Variants in STAMBPL1 observed in about 807,000 individuals in gnomAD.
STAMBPL1 encodes the protein STAM binding protein like 1.
A neutral mutation model predicts 52.9 loss-of-function variants in STAMBPL1; 44 were observed. The observed-to-expected ratio is 0.83, with a 90% CI of 0.65 to 1.07. STAMBPL1 has a LOEUF of 1.07. Ranked by LOEUF, STAMBPL1 falls within the 50% of genes least tolerant of loss-of-function variation. The pLI is 0.00. For missense variants in STAMBPL1, 511 were observed against 520.8 expected, an observed-to-expected ratio of 0.98 and a Z score of 0.18; for synonymous variants, 164 against 177.3, an observed-to-expected ratio of 0.92 and a Z score of 0.60.
intron 3 of STAMBPL1, among the ~76,000 whole-genome samples, chr10:88,906,553 A>G (rs938824035): frequency 6.6e-6 from 1 of 152,240 alleles, no homozygotes; most frequent in African/African-American, 2.4e-5. Flanking sequence ...GTTTTGATAC[A>G]TATATGCTTA....
chr10:88,894,490 C>G (rs1844764516), intron 1 of STAMBPL1, among the ~76,000 whole-genome samples: 1 of 152,136 alleles, frequency 6.6e-6, no homozygotes, highest in African/African-American at 2.4e-5. Context: ...TTTTGAGCAG[C>G]AAAATTAGAA....
intron 1 of STAMBPL1, among the ~76,000 whole-genome samples, chr10:88,886,732 A>G (rs535145466): frequency 6.6e-6 from 1 of 152,330 alleles, no homozygotes; most frequent in African/African-American, 2.4e-5. Flanking sequence ...CCCTGTGAAC[A>G]CTGCCTGCCT....
chr10:88,921,036 C>G (rs1014485050), intron 8 of STAMBPL1, among the ~76,000 whole-genome samples: 2 of 152,138 alleles, frequency 1.3e-5, no homozygotes, highest in Middle Eastern at 3.2e-3. Context: ...TAATTTCCAG[C>G]TCTTTCTTTC....
chr10:88,901,875 C>T, intron 2 of STAMBPL1, 137 bp downstream of exon 2: 1 of 756,162 alleles, frequency 1.3e-6, no homozygotes, highest in Non-Finnish European at 2.1e-6. Flanking sequence ...GTGTGGTTGT[C>T]TTCTTTGAGG....
intron 1 of STAMBPL1, among the ~76,000 whole-genome samples, chr10:88,893,262 T>G (rs577547099): frequency 6.6e-6 from 1 of 152,208 alleles, no homozygotes; most frequent in African/African-American, 2.4e-5. Context: ...GAAAAGAATC[T>G]AAAATTAGCA....
In STAMBPL1 at chr10:88,891,519, A is replaced by G. The variant is rs77935318; in HGVS notation, c.-53-10137A>G. On this transcript the variant is annotated intron_variant, in intron 1 of 10. Coordinates refer to ENST00000371926, the MANE Select transcript of STAMBPL1 (RefSeq NM_020799.4). ...TAGTTTCCCTACAAGATACTTTTCA[A>G]TTATAAAGAGAAAAATAGTATCGTG... Among the ~76,000 whole-genome samples the G allele has an allele frequency of 9.0e-3, 1,377 of 152,338 alleles. 36 individuals carry two copies. In the East Asian group the frequency reaches 0.11, roughly 12 times the overall value.
Position 88,916,836 on chromosome 10 carries a change from G to A in STAMBPL1, c.1041+19G>A. 7 of 1,518,670 alleles carry A rather than the reference G, an allele frequency of 4.6e-6. No individual in the cohort carries two copies. The highest frequency in any genetic ancestry group is 5.3e-6 in the Non-Finnish European group (6 of 1,129,680). The allele number at this position is 1,518,670 out of a possible 1,614,324, so 94.1% of individuals were successfully genotyped here. A position where few individuals can be genotyped will look rare whatever the true frequency, so the allele number is the denominator to read the frequency against. On this transcript the variant is annotated intron_variant, in intron 8 of 10. Coordinates refer to ENST00000371926, the MANE Select transcript of STAMBPL1 (RefSeq NM_020799.4). ...GATCCATGTACGTTTGACCTTTTGG[G>A]TTTCAGTTTTTTTGTGTGTGTGGCA...
chr10:88,904,691 G>A (rs1845028866), intron 2 of STAMBPL1, among the ~76,000 whole-genome samples: 1 of 152,124 alleles, frequency 6.6e-6, no homozygotes, highest in Non-Finnish European at 1.5e-5. Flanking sequence ...AATTGCATAT[G>A]TTCTATGCTT....
chr10:88,883,114 G>GT (rs1844448537), intron 1 of STAMBPL1, among the ~76,000 whole-genome samples: 1 of 149,274 alleles, frequency 6.7e-6, no homozygotes, highest in South Asian at 2.1e-4. Flanking sequence ...GCGGTGTTTG[G>GT]TTTTTTGCCC....
chr10:88,884,727 T>C (rs570428401), intron 1 of STAMBPL1, among the ~76,000 whole-genome samples: 8 of 152,314 alleles, frequency 5.3e-5, no homozygotes, highest in Non-Finnish European at 1.2e-4. Flanking sequence ...TTGACAAATA[T>C]TTATTAATAG....
rs1048270635 is a variant in STAMBPL1, at chr10:88,910,860, T to A, written c.325-56T>A. The stretch of plus-strand genomic sequence containing the variant: ...GCTGTTTTTCTTTCTCACCTGATGA[T>A]CTGAAAGAGTGTATTGAAAATCCCA... On this transcript the variant is annotated intron_variant, in intron 4 of 10. Coordinates refer to ENST00000371926, the MANE Select transcript of STAMBPL1 (RefSeq NM_020799.4). The A allele has an allele frequency of 4.7e-6, 6 of 1,272,082 alleles. No individual in the cohort carries two copies. In the African/African-American group the frequency reaches 7.8e-5, roughly 17 times the overall value. The allele number at this position is 1,272,082 out of a possible 1,614,324, so 78.8% of individuals were successfully genotyped here. A position where few individuals can be genotyped will look rare whatever the true frequency, so the allele number is the denominator to read the frequency against.
intron 1 of STAMBPL1, among the ~76,000 whole-genome samples, chr10:88,881,723 A>G (rs991821901): frequency 1.3e-5 from 2 of 152,216 alleles, no homozygotes; most frequent in African/African-American, 2.4e-5. Context: ...TGTTTTACAC[A>G]GAAATTAAGC....
At chr10:88,915,015 A>G (rs546111116) in intron 7 of STAMBPL1, among the ~76,000 whole-genome samples, 2 of 152,302 alleles carry the variant, frequency 1.3e-5, no homozygotes, top group East Asian at 3.9e-4. Context: ...ACATACATTC[A>G]TATAATTAAC....
intron 1 of STAMBPL1, among the ~76,000 whole-genome samples, chr10:88,887,077 T>C (rs572977128): frequency 6.6e-6 from 1 of 152,336 alleles, no homozygotes; most frequent in East Asian, 1.9e-4. Context: ...TTATAAATTG[T>C]TCCACAAGAT....
chr10:88,885,679 T>G (rs1674909129), intron 1 of STAMBPL1, among the ~76,000 whole-genome samples: 1 of 152,220 alleles, frequency 6.6e-6, no homozygotes, highest in African/African-American at 2.4e-5. Flanking sequence ...ACCTTTTAAT[T>G]CAGCTTATTC....
intron 8 of STAMBPL1, 55 bp from the exon 9 acceptor site, chr10:88,921,228 A>C: frequency 7.3e-7 from 1 of 1,376,834 alleles, no homozygotes; most frequent in Non-Finnish European, 1.0e-6. Flanking sequence ...AAAATAGCCT[A>C]TGGCCTTGGC....
intron 5 of STAMBPL1, 123 bp downstream of exon 5, chr10:88,911,134 T>C: frequency 5.0e-6 from 3 of 602,162 alleles, no homozygotes; most frequent in Non-Finnish European, 8.0e-6. Context: ...AAAGATGCAG[T>C]GATATGGAAC....
intron 1 of STAMBPL1, among the ~76,000 whole-genome samples, chr10:88,883,032 C>G (rs1210084752): frequency 7.4e-6 from 1 of 135,482 alleles, no homozygotes; most frequent in African/African-American, 2.8e-5. Context: ...ACGACAGGCC[C>G]GAGTGTGTGA....
intron 1 of STAMBPL1, among the ~76,000 whole-genome samples, chr10:88,899,428 C>T (rs1020546442): frequency 6.6e-6 from 1 of 152,208 alleles, no homozygotes; most frequent in African/African-American, 2.4e-5. Context: ...GTAAAAACCG[C>T]TATCCTAATA....
Sources: gnomAD v4.1 joint callset for allele counts (sites outside exome capture counted in the v4.1 genomes callset) on GRCh38, gnomAD v4.1.1 for gene constraint, MANE v1.5 for transcripts, NCBI Gene and HGNC (gene_info 2026-07-23, HGNC 2026-07-21) for gene names.